The following GRIN2B variants were observed in gnomAD, a reference collection of about 807,000 sequenced individuals.
The protein encoded by GRIN2B is glutamate ionotropic receptor NMDA type subunit 2B.
GRIN2B carries 5 observed loss-of-function variants against 114.5 expected under a neutral mutation model. That is an observed-to-expected ratio of 0.04 (90% confidence interval 0.02 to 0.09). The LOEUF (loss-of-function observed/expected upper bound fraction) is 0.09. Ranked by LOEUF, GRIN2B falls within the 10% of genes least tolerant of loss-of-function variation. GRIN2B has a pLI of 1.00. For missense variants in GRIN2B, 1,108 were observed against 1,943.5 expected (o/e 0.57, Z 8.08); for synonymous variants, 787 against 745.1 (o/e 1.06, Z -0.92).
chr12:13,971,770 C>T (rs1328716684), intron 2 of GRIN2B, among the ~76,000 whole-genome samples: 1 of 152,200 alleles, frequency 6.6e-6, no homozygotes, highest in African/African-American at 2.4e-5. Context: ...ACTGCTCGCC[C>T]TATTTTGCAG....
At position 13,748,255 on chromosome 12, in the gene GRIN2B, A is replaced by C. The variant is rs112814905; in HGVS notation, c.1010+5062T>G. On this transcript the variant is annotated intron_variant, in intron 4 of 13. Transcript: ENST00000609686. ...TTAAGATCCATCTATCTCAAATAGCATCCGTTCTTTCTACAAGTTCCAAAA... is the reference window on the plus strand; with the variant it reads ...TTAAGATCCATCTATCTCAAATAGCCTCCGTTCTTTCTACAAGTTCCAAAA... 1.4e-3 allele frequency among the ~76,000 whole-genome samples: 209 copies of C among 152,372 alleles called. 1 individual carries two copies. Among genetic ancestry groups the C allele is most frequent in the Non-Finnish European group, 2.4e-3 (166 of 68,038 alleles).
intron 3 of GRIN2B, among the ~76,000 whole-genome samples, chr12:13,824,683 T>C (rs529971315): frequency 1.5e-3 from 226 of 151,788 alleles, no homozygotes; most frequent in Non-Finnish European, 2.9e-3. Flanking sequence ...TGAAACCCCG[T>C]CTCTACTAAA....
At chr12:13,652,264 G>A (rs1368817140) in intron 5 of GRIN2B, among the ~76,000 whole-genome samples, 2 of 151,714 alleles carry the variant, frequency 1.3e-5, no homozygotes, top group African/African-American at 4.8e-5. Flanking sequence ...CAGCCTCTGT[G>A]GAGAGGCTCT....
At chr12:13,757,344 T>C (rs1863594010) in intron 3 of GRIN2B, among the ~76,000 whole-genome samples, 1 of 152,194 alleles carries the variant, frequency 6.6e-6, no homozygotes, top group Non-Finnish European at 1.5e-5. Context: ...AGTCTAGCTG[T>C]AAGTTGCAAA....
chr12:13,582,590 G>A (rs898949166), intron 10 of GRIN2B, among the ~76,000 whole-genome samples: 3 of 152,222 alleles, frequency 2.0e-5, no homozygotes, highest in African/African-American at 4.8e-5. Context: ...TTGGATGTGA[G>A]AAGGCTGGTA....
At chr12:13,868,023 A>G (rs1865853568) in intron 2 of GRIN2B, among the ~76,000 whole-genome samples, 1 of 152,228 alleles carries the variant, frequency 6.6e-6, no homozygotes, top group South Asian at 2.1e-4. Flanking sequence ...TGCAAAGGGC[A>G]TTAATGATTT....
intron 3 of GRIN2B, among the ~76,000 whole-genome samples, chr12:13,802,281 C>T (rs937291747): frequency 6.6e-6 from 1 of 151,988 alleles, no homozygotes; most frequent in Non-Finnish European, 1.5e-5. Context: ...ACTAGTAAAT[C>T]AACTAAATAG....
At chr12:13,727,421 T>C (rs1235586723) in intron 4 of GRIN2B, among the ~76,000 whole-genome samples, 1 of 152,196 alleles carries the variant, frequency 6.6e-6, no homozygotes, top group African/African-American at 2.4e-5. Context: ...ATCAAGGCTG[T>C]ATAGAAAAAG....
intron 5 of GRIN2B, among the ~76,000 whole-genome samples, chr12:13,672,096 G>T (rs181720621): frequency 6.6e-6 from 1 of 152,234 alleles, no homozygotes; most frequent in East Asian, 1.9e-4. Flanking sequence ...TCAGGTTCCT[G>T]TGTGTTCCAT....
At chr12:13,647,739 T>C (rs962745380) in intron 5 of GRIN2B, among the ~76,000 whole-genome samples, 1 of 151,988 alleles carries the variant, frequency 6.6e-6, no homozygotes. Flanking sequence ...ATTCAGTGAA[T>C]GTCTTCCAAA....
intron 5 of GRIN2B, among the ~76,000 whole-genome samples, chr12:13,675,034 A>G (rs914471403): frequency 6.6e-6 from 1 of 152,150 alleles, no homozygotes; most frequent in Non-Finnish European, 1.5e-5. Flanking sequence ...TTCAACTGGG[A>G]ATCTGGAATA....
intron 10 of GRIN2B, among the ~76,000 whole-genome samples, chr12:13,592,374 T>A (rs1949019397): frequency 6.6e-6 from 1 of 152,190 alleles, no homozygotes; most frequent in South Asian, 2.1e-4. Flanking sequence ...CTATCTGCAG[T>A]AGCCTTTCCA....
At chr12:13,727,756 G>A (rs1281299859) in intron 4 of GRIN2B, among the ~76,000 whole-genome samples, 2 of 152,222 alleles carry the variant, frequency 1.3e-5, no homozygotes, top group South Asian at 2.1e-4. Context: ...CTGCTGGGAA[G>A]AGGGAAGGCT....
At position 13,548,527 on chromosome 12, in the gene GRIN2B, A is replaced by C. The variant is rs974240589; in HGVS notation, c.*14256T>G. 2 of 148,810 alleles carry C rather than the reference A, an allele frequency of 1.3e-5. No homozygotes were observed. The highest frequency in any genetic ancestry group is 3.0e-5 in the Non-Finnish European group (2 of 67,430). 9.2% of individuals were successfully genotyped at this position (148,810 alleles called of 1,614,324 possible). On this transcript the variant is annotated 3_prime_UTR_variant, in exon 14 of 14. Transcript: ENST00000609686. The stretch of plus-strand genomic sequence containing the variant: ...GTGTAGCAGAAGACAGGGAGTGGTC[A>C]TCTTGGGGGAATAAGATGCTCCAAA...
At chr12:13,698,004 T>G (rs1341431287) in intron 4 of GRIN2B, among the ~76,000 whole-genome samples, 1 of 152,230 alleles carries the variant, frequency 6.6e-6, no homozygotes, top group Non-Finnish European at 1.5e-5. Context: ...GGGTAGCATT[T>G]CTTAAATGAG....
At chr12:13,786,251 G>A (rs554156849) in intron 3 of GRIN2B, among the ~76,000 whole-genome samples, 1 of 152,228 alleles carries the variant, frequency 6.6e-6, no homozygotes, top group East Asian at 1.9e-4. Context: ...GAGAAATTAA[G>A]CCTAAAACCA....
intron 5 of GRIN2B, among the ~76,000 whole-genome samples, chr12:13,639,269 C>G (rs1234717353): frequency 1.3e-5 from 2 of 152,128 alleles, no homozygotes; most frequent in African/African-American, 4.8e-5. Context: ...GGCAACCAGT[C>G]AGCAGCAGAC....
chr12:13,980,394 G>T (rs1863109930), intron 1 of GRIN2B, 38 bp from the exon 2 acceptor site: 1 of 152,150 alleles, frequency 6.6e-6, no homozygotes, highest in Non-Finnish European at 1.5e-5. Context: ...CTTGATTCGC[G>T]TGTCCCCCGG....
chr12:13,890,800 T>C (rs1454779237), intron 2 of GRIN2B, among the ~76,000 whole-genome samples: 1 of 152,134 alleles, frequency 6.6e-6, no homozygotes, highest in Non-Finnish European at 1.5e-5. Context: ...AACAGTGTGA[T>C]TCCTGCTCAG....
Sources: allele counts gnomAD v4.1 joint callset (sites outside exome capture counted in the v4.1 genomes callset), GRCh38; gene constraint gnomAD v4.1.1; transcripts MANE v1.5; gene names NCBI Gene and HGNC (gene_info 2026-07-23, HGNC 2026-07-21).